Variants in YAF2 observed in about 807,000 individuals in gnomAD.
YAF2 encodes the protein YY1 associated factor 2.
In YAF2, 7 loss-of-function variants were observed where a neutral mutation model predicts 20.1. That is an observed-to-expected ratio of 0.35 (90% CI 0.20 to 0.65). The LOEUF is 0.65. Ranked by LOEUF, YAF2 falls within the 30% of genes least tolerant of loss-of-function variation. The pLI is 0.69. For missense variants in YAF2, 151 were observed against 219.2 expected (o/e 0.69, Z 1.96); for synonymous variants, 74 against 76.0 (o/e 0.97, Z 0.14).
chr12:42,226,166 C>T (rs148094275), intron 2 of YAF2, among the ~76,000 whole-genome samples: 32 of 152,200 alleles, frequency 2.1e-4, no homozygotes, highest in East Asian at 5.8e-4. Flanking sequence ...TTTCTTAATA[C>T]GCTGTACACT....
At chr12:42,215,369 C>A (rs1467980730) in intron 2 of YAF2, among the ~76,000 whole-genome samples, 1 of 150,980 alleles carries the variant, frequency 6.6e-6, no homozygotes, top group East Asian at 2.0e-4. Context: ...GAGTTCGAGA[C>A]AAGCCTAGGC....
intron 2 of YAF2, among the ~76,000 whole-genome samples, chr12:42,206,160 T>A (rs2067034415): frequency 6.6e-6 from 1 of 152,110 alleles, no homozygotes; most frequent in South Asian, 2.1e-4. Context: ...CTGTGTCATA[T>A]CTTCTATTTT....
At chr12:42,228,377 A>G in intron 2 of YAF2, among the ~76,000 whole-genome samples, 1 of 49,262 alleles carries the variant, frequency 2.0e-5, no homozygotes, top group Non-Finnish European at 3.4e-5. Flanking sequence ...CCCTACTGGG[A>G]AGTGAGGAGC....
chr12:42,231,366 A>C (rs1458319359), intron 2 of YAF2: 1 of 152,214 alleles, frequency 6.6e-6, no homozygotes, highest in Non-Finnish European at 1.5e-5. Context: ...CTCAGCATTC[A>C]ATTTGTTGCA....
intron 2 of YAF2, among the ~76,000 whole-genome samples, chr12:42,176,529 T>C (rs2066198009): frequency 6.6e-6 from 1 of 152,210 alleles, no homozygotes; most frequent in Non-Finnish European, 1.5e-5. Context: ...ACCGAACACT[T>C]AGAAGCAGTA....
At chr12:42,234,288 G>A (rs1400374842) in intron 2 of YAF2, 11 of 985,178 alleles carry the variant, frequency 1.1e-5, no homozygotes, top group South Asian at 9.4e-5. Context: ...ATGTGTCACC[G>A]TGGCATTTTG....
At chr12:42,161,872 C>G in intron 2 of YAF2, 107 bp from the exon 3 acceptor site, 1 of 1,033,598 alleles carries the variant, frequency 9.7e-7, no homozygotes, top group Non-Finnish European at 1.4e-6. Context: ...CAATAACTTT[C>G]AAGTATAAAA....
chr12:42,233,093 CT>C, intron 2 of YAF2: 1 of 985,356 alleles, frequency 1.0e-6, no homozygotes, highest in South Asian at 4.7e-5. Flanking sequence ...TAAACATTTG[CT>C]GAATGCTGAA....
chr12:42,200,808 A>G (rs1301314021), intron 2 of YAF2, among the ~76,000 whole-genome samples: 2 of 152,228 alleles, frequency 1.3e-5, no homozygotes, highest in Admixed American at 1.3e-4. Context: ...AGCATGGTAT[A>G]GTGGACTCTG....
chr12:42,197,074 G>C (rs763470320), intron 2 of YAF2, among the ~76,000 whole-genome samples: 2 of 152,188 alleles, frequency 1.3e-5, no homozygotes, highest in Admixed American at 6.5e-5. Context: ...GAGCTTAAAA[G>C]GGGAATTTTT....
At chr12:42,168,603 T>C (rs1017566307) in intron 2 of YAF2, among the ~76,000 whole-genome samples, 1 of 152,166 alleles carries the variant, frequency 6.6e-6, no homozygotes, top group African/African-American at 2.4e-5. Context: ...ATAAAGACTC[T>C]AACCTGGTAT....
intron 2 of YAF2, chr12:42,231,830 T>C (rs1157678785): frequency 6.6e-6 from 1 of 152,236 alleles, no homozygotes; most frequent in Non-Finnish European, 1.5e-5. Context: ...ACTTGAATGA[T>C]TATCACTGGC....
At chr12:42,167,654 A>G (rs1357059169) in intron 2 of YAF2, among the ~76,000 whole-genome samples, 1 of 152,240 alleles carries the variant, frequency 6.6e-6, no homozygotes, top group African/African-American at 2.4e-5. Context: ...TTTGGTTCTT[A>G]GCTCAATGTT....
intron 2 of YAF2, chr12:42,235,390 T>G (rs2068116310): frequency 9.8e-7 from 1 of 1,024,508 alleles, no homozygotes; most frequent in Non-Finnish European, 1.2e-6. Context: ...GGAAAAATAT[T>G]AATATTCTGT....
At chr12:42,168,296 A>G (rs534942182) in intron 2 of YAF2, among the ~76,000 whole-genome samples, 1 of 149,598 alleles carries the variant, frequency 6.7e-6, no homozygotes, top group East Asian at 2.0e-4. Context: ...CTCCTGCCTC[A>G]GCCTCTCTAG....
intron 2 of YAF2, chr12:42,234,324 G>C (rs375410158): frequency 2.0e-6 from 2 of 985,310 alleles, no homozygotes; most frequent in Non-Finnish European, 2.4e-6. Flanking sequence ...TTTCCTGTCA[G>C]TTTGACATTT....
intron 2 of YAF2, among the ~76,000 whole-genome samples, chr12:42,225,534 C>A (rs2067664079): frequency 6.6e-6 from 1 of 152,166 alleles, no homozygotes; most frequent in Non-Finnish European, 1.5e-5. Context: ...AGTCTTTAAT[C>A]CATCTTGAGT....
intron 2 of YAF2, among the ~76,000 whole-genome samples, chr12:42,227,618 A>G (rs1408457388): frequency 6.9e-6 from 1 of 145,936 alleles, no homozygotes; most frequent in Non-Finnish European, 1.5e-5. Flanking sequence ...ACCCCGTCTG[A>G]GAAGTTAGGA....
intron 2 of YAF2, among the ~76,000 whole-genome samples, chr12:42,193,213 G>A (rs7306048): frequency 0.015 from 2,275 of 151,772 alleles, 55 homozygotes; most frequent in African/African-American, 0.052. Context: ...TACTCGGGAG[G>A]CTGAGGCAGG....
Sources: allele counts gnomAD v4.1 joint callset (sites outside exome capture counted in the v4.1 genomes callset), GRCh38; gene constraint gnomAD v4.1.1; transcripts MANE v1.5; gene names NCBI Gene and HGNC (gene_info 2026-07-23, HGNC 2026-07-21).